The following SEM1 variants were observed in gnomAD, a reference collection of about 807,000 sequenced individuals.
SEM1 encodes the protein SEM1 26S proteasome subunit.
Under a neutral mutation model 12.7 loss-of-function variants are expected in SEM1, and 3 were observed. The observed-to-expected ratio is 0.24, with a 90% CI of 0.11 to 0.61. The LOEUF is 0.61. Among genes scored for constraint, SEM1 ranks in the 20% least tolerant of loss-of-function variants. The pLI is 0.88. For missense variants in SEM1, 59 were observed against 81.3 expected, an observed-to-expected ratio of 0.73 and a Z score of 1.06; for synonymous variants, 30 against 27.8, an observed-to-expected ratio of 1.08 and a Z score of -0.25.
intron 1 of SEM1, chr7:96,708,086 C>G (rs1015173680): frequency 6.6e-6 from 1 of 152,166 alleles, no homozygotes; most frequent in Admixed American, 6.5e-5. Flanking sequence ...ACATTCCACC[C>G]TGTATATGAT....
chr7:96,655,885 G>A (rs531144735), intron 2 of SEM1, among the ~76,000 whole-genome samples: 1 of 152,316 alleles, frequency 6.6e-6, no homozygotes, highest in Middle Eastern at 3.4e-3. Flanking sequence ...CAAAGGACTA[G>A]AGATACAACT....
chr7:96,520,700 T>C (rs981183210), intron 2 of SEM1, among the ~76,000 whole-genome samples: 5 of 152,102 alleles, frequency 3.3e-5, no homozygotes, highest in African/African-American at 4.8e-5. Context: ...AGCCATCCTC[T>C]ACCTCTATTT....
At position 96,679,069 on chromosome 7, in the gene SEM1, A is replaced by AT. The variant is rs1202669239; in HGVS notation, c.171-5211dup. On this transcript the variant is annotated intron_variant, in intron 2 of 2. Transcript: ENST00000413065. ...TTCAATATATAAATCAATAGCTTTA[A>AT]TTTTTTTAACTGTCTTACTTAAGAG... Among the ~76,000 whole-genome samples the AT allele has an allele frequency of 3.3e-5, 5 of 152,086 alleles. No individual in the cohort carries two copies. The South Asian group carries it at 1.0e-3, about 32-fold the overall frequency.
At chr7:96,500,156 C>G (rs140412662), upstream of SEM1, among the ~76,000 whole-genome samples, 1,039 of 152,116 alleles carry the variant, frequency 6.8e-3, 10 homozygotes, top group African/African-American at 0.024. Context: ...ATTTTAGTCT[C>G]CATGATACAA....
intron 2 of SEM1, among the ~76,000 whole-genome samples, chr7:96,655,420 G>A (rs1281119932): frequency 6.7e-6 from 1 of 149,766 alleles, no homozygotes; most frequent in South Asian, 2.1e-4. Flanking sequence ...AAGTATATTT[G>A]ACATAAAATC....
At position 96,588,379 on chromosome 7, in the gene SEM1, C is replaced by CG. The variant is rs879771284; in HGVS notation, c.171-81682_171-81681insC. Among the ~76,000 whole-genome samples the CG allele has an allele frequency of 6.9e-3, 879 of 126,904 alleles. 8 individuals carry two copies. The highest frequency in any genetic ancestry group is 0.011 in the Non-Finnish European group (649 of 59,990). The allele number at this position is 126,904 out of a possible 152,430, so 83.3% of individuals were successfully genotyped here. A position where few individuals can be genotyped will look rare whatever the true frequency, so the allele number is the denominator to read the frequency against. ...ACACACACACACACACACACACACACACACACACACACACACACGAGAGAG... is the reference window on the plus strand; with the variant it reads ...ACACACACACACACACACACACACACGACACACACACACACACACGAGAGAG... On this transcript the variant is annotated intron_variant and NMD_transcript_variant, in intron 2 of 3. Coordinates refer to the SEM1 transcript ENST00000466986.
At chr7:96,658,387 A>G (rs1054913322) in intron 2 of SEM1, among the ~76,000 whole-genome samples, 1 of 152,226 alleles carries the variant, frequency 6.6e-6, no homozygotes, top group African/African-American at 2.4e-5. Context: ...TATGTCATGA[A>G]AAAAGGCTGA....
intron 2 of SEM1, among the ~76,000 whole-genome samples, chr7:96,519,690 T>C (rs1398138297): frequency 6.6e-6 from 1 of 152,104 alleles, no homozygotes; most frequent in Non-Finnish European, 1.5e-5. Context: ...GAAAGTTTCC[T>C]GTGTTTAGAC....
intron 2 of SEM1, among the ~76,000 whole-genome samples, chr7:96,567,217 A>C (rs570333207): frequency 5.6e-4 from 85 of 151,660 alleles, no homozygotes; most frequent in African/African-American, 2.0e-3. Flanking sequence ...ATATCATTAT[A>C]TTTCTTCAAT....
chr7:96,584,976 T>C (rs1806561542), intron 2 of SEM1, among the ~76,000 whole-genome samples: 1 of 151,636 alleles, frequency 6.6e-6, no homozygotes, highest in African/African-American at 2.4e-5. Flanking sequence ...CTCGTCAAAG[T>C]CATTCTCCAT....
chr7:96,598,690 T>C (rs1014431905), intron 2 of SEM1, among the ~76,000 whole-genome samples: 7 of 152,160 alleles, frequency 4.6e-5, no homozygotes, highest in African/African-American at 1.7e-4. Flanking sequence ...CAAGTTCTAA[T>C]TGGAAAGATC....
At chr7:96,538,490 G>A (rs1185077740) in intron 2 of SEM1, among the ~76,000 whole-genome samples, 1 of 151,830 alleles carries the variant, frequency 6.6e-6, no homozygotes, top group African/African-American at 2.4e-5. Context: ...AGCTATAGGT[G>A]CAAAAGGACT....
chr7:96,673,883 C>T (rs1402819665), intron 2 of SEM1: 4 of 763,562 alleles, frequency 5.2e-6, no homozygotes, highest in Non-Finnish European at 9.6e-6. Context: ...TTTGTGTAAG[C>T]AAACTTTTAA....
chr7:96,486,236 G>C, exon 2 of SEM1: 1 of 1,536,640 alleles, frequency 6.5e-7, no homozygotes, highest in Non-Finnish European at 8.7e-7. Context: ...TGTCGCTCTG[G>C]AGTTGGGCAT....
intron 2 of SEM1, among the ~76,000 whole-genome samples, chr7:96,552,295 CTCG>C (rs1805307067): frequency 6.6e-6 from 1 of 152,068 alleles, no homozygotes; most frequent in Non-Finnish European, 1.5e-5. Context: ...CACCCACTAA[CTCG>C]TCATCTAGCA....
At chr7:96,685,304 A>T (rs1037521360), downstream of SEM1, among the ~76,000 whole-genome samples, 170 of 152,124 alleles carry the variant, frequency 1.1e-3, 4 homozygotes, top group Admixed American at 0.011. Context: ...CTACAATTTC[A>T]TTTCAAACAG....
chr7:96,496,470 T>C, upstream of SEM1: 1 of 530,678 alleles, frequency 1.9e-6, no homozygotes, highest in South Asian at 3.0e-5. Flanking sequence ...TTTTCTCCTA[T>C]TTATTTCTGT....
At chr7:96,589,181 C>A (rs1022251511) in intron 2 of SEM1, among the ~76,000 whole-genome samples, 3 of 152,146 alleles carry the variant, frequency 2.0e-5, no homozygotes, top group African/African-American at 7.2e-5. Context: ...CCCTCTGCTG[C>A]CTTCCCATTG....
At chr7:96,520,048 G>T (rs1459858991) in intron 2 of SEM1, among the ~76,000 whole-genome samples, 3 of 152,092 alleles carry the variant, frequency 2.0e-5, no homozygotes, top group Non-Finnish European at 4.4e-5. Flanking sequence ...TATTTTGATG[G>T]ATTGCAAGAA....
Sources: allele counts gnomAD v4.1 joint callset (sites outside exome capture counted in the v4.1 genomes callset), GRCh38; gene constraint gnomAD v4.1.1; transcripts MANE v1.5; gene names NCBI Gene and HGNC (gene_info 2026-07-23, HGNC 2026-07-21).